Variants in KDM4B observed in about 807,000 individuals in gnomAD.
KDM4B encodes the protein lysine-specific demethylase 4B.
KDM4B carries 32 observed loss-of-function variants against 125.2 expected under a neutral mutation model. The observed-to-expected ratio is 0.26, with a 90% CI of 0.19 to 0.34. KDM4B has a LOEUF of 0.34. Ranked by LOEUF, KDM4B falls within the 10% of genes least tolerant of loss-of-function variation. KDM4B has a pLI of 1.00. For missense variants in KDM4B, 1,190 were observed against 1,577.7 expected (o/e 0.75, Z 4.16); for synonymous variants, 721 against 677.9 (o/e 1.06, Z -0.99).
intron 1 of KDM4B, among the ~76,000 whole-genome samples, chr19:4,999,040 G>C (rs577233525): frequency 3.5e-4 from 54 of 152,280 alleles, no homozygotes; most frequent in African/African-American, 1.3e-3. Context: ...CATCTCATGG[G>C]GAGGCCAGTG....
intron 5 of KDM4B, among the ~76,000 whole-genome samples, chr19:5,043,182 C>T (rs1250657761): frequency 6.6e-6 from 1 of 150,626 alleles, no homozygotes; most frequent in African/African-American, 2.4e-5. Flanking sequence ...TCCACCTTAT[C>T]CCGCGTGGTG....
intron 6 of KDM4B, among the ~76,000 whole-genome samples, chr19:5,062,775 GT>G (rs34134889): frequency 0.15 from 13,034 of 89,596 alleles, 747 homozygotes; most frequent in African/African-American, 0.29. Flanking sequence ...TAATTAAACT[GT>G]TTTTTTTTTT....
At chr19:5,046,373 C>T (rs80258649) in intron 5 of KDM4B, among the ~76,000 whole-genome samples, 3,365 of 152,352 alleles carry the variant, frequency 0.022, 104 homozygotes, top group South Asian at 0.067. Flanking sequence ...TCCCTCTGCC[C>T]CATCTGGGTC....
intron 11 of KDM4B, among the ~76,000 whole-genome samples, chr19:5,120,600 G>A (rs1164663011): frequency 6.6e-6 from 1 of 152,222 alleles, no homozygotes; most frequent in Non-Finnish European, 1.5e-5. Context: ...CCCAGGGGGA[G>A]GTTTTGGCTG....
At chr19:5,133,482 G>A (rs535093530) in intron 13 of KDM4B, among the ~76,000 whole-genome samples, 2 of 152,344 alleles carry the variant, frequency 1.3e-5, no homozygotes, top group African/African-American at 2.4e-5. Flanking sequence ...ACCCCAGGAC[G>A]GGTGTAGGGC....
chr19:5,142,651 C>T lies in KDM4B; in HGVS notation c.2551-1316C>T, dbSNP rs1178825909. ...ACAGTGTCCAGGTGGGGCCTCTCCCCCACCCCCAGGCTCCCCAGGGAGCAC... is the reference window on the plus strand; with the variant it reads ...ACAGTGTCCAGGTGGGGCCTCTCCCTCACCCCCAGGCTCCCCAGGGAGCAC... On this transcript the variant is annotated intron_variant, in intron 18 of 22. Transcript: ENST00000159111. This position sits in a 1 kb window ranked among gnomAD's most constrained non-coding sequence, Gnocchi z 5.4. 6.6e-6 allele frequency among the ~76,000 whole-genome samples: 1 copy of T among 152,066 alleles called. No individual in the cohort carries two copies. The highest frequency in any genetic ancestry group is 2.4e-5 in the African/African-American group (1 of 41,424).
Position 5,119,872 on chromosome 19 carries a change from G to C in KDM4B, c.1315+20G>C. The C allele has an allele frequency of 6.5e-7, 1 of 1,543,844 alleles. No homozygotes were observed. The highest frequency in any genetic ancestry group is 2.3e-4 in the Middle Eastern group (1 of 4,426). ...CAGAAGGTCAGTCCCTGCCGGGCCA[G>C]GCCTGGCACCGCTGTTTTCCCACCC... On this transcript the variant is annotated intron_variant, in intron 11 of 22. Coordinates refer to ENST00000159111, the MANE Select transcript of KDM4B (RefSeq NM_015015.3).
intron 16 of KDM4B, 102 bp from the exon 17 acceptor site, chr19:5,137,519 A>G: frequency 7.6e-7 from 1 of 1,314,500 alleles, no homozygotes; most frequent in Non-Finnish European, 1.1e-6. Flanking sequence ...AGGTTGAAAT[A>G]TAAGGGCCGT....
chr19:5,118,993 T>C (rs990526158), intron 10 of KDM4B: 7 of 631,418 alleles, frequency 1.1e-5, no homozygotes, highest in African/African-American at 1.1e-4. Flanking sequence ...GGGGCTCCCA[T>C]GCACCTCATG....
At chr19:5,018,150 C>T (rs530828570) in intron 2 of KDM4B, among the ~76,000 whole-genome samples, 1 of 152,190 alleles carries the variant, frequency 6.6e-6, no homozygotes, top group African/African-American at 2.4e-5. Context: ...GGGATCCTCC[C>T]GCCTCAGCCT....
At chr19:5,096,868 C>A (rs941356408) in intron 9 of KDM4B, among the ~76,000 whole-genome samples, 1 of 152,108 alleles carries the variant, frequency 6.6e-6, no homozygotes, top group Non-Finnish European at 1.5e-5. Flanking sequence ...GAGGAAGTGT[C>A]CCTCCGTTTC....
intron 6 of KDM4B, among the ~76,000 whole-genome samples, chr19:5,051,552 G>A (rs1197487603): frequency 6.6e-6 from 1 of 152,266 alleles, no homozygotes; most frequent in Non-Finnish European, 1.5e-5. Context: ...GAGCTGATGG[G>A]ACATGGTCAG....
intron 6 of KDM4B, chr19:5,070,493 A>G (rs1328766526): frequency 6.5e-6 from 1 of 153,012 alleles, no homozygotes; most frequent in Non-Finnish European, 1.5e-5. Context: ...GTCGGTGACA[A>G]ATGCAGCTTT....
intron 11 of KDM4B, among the ~76,000 whole-genome samples, chr19:5,123,328 C>G (rs2039395500): frequency 6.6e-6 from 1 of 152,236 alleles, no homozygotes; most frequent in African/African-American, 2.4e-5. Context: ...CCGGGCTGGC[C>G]CATTCCGAGG....
chr19:5,112,071 A>C, intron 10 of KDM4B: 1 of 474,576 alleles, frequency 2.1e-6, no homozygotes, highest in Non-Finnish European at 3.8e-6. Context: ...TGGGCAACAT[A>C]TTGAGATGCC....
intron 21 of KDM4B, among the ~76,000 whole-genome samples, chr19:5,149,134 C>A (rs990648980): frequency 6.6e-6 from 1 of 152,256 alleles, no homozygotes; most frequent in East Asian, 1.9e-4. Flanking sequence ...CAGGGACCGG[C>A]AGGCTTGGCT....
Position 5,115,222 on chromosome 19 carries a change from A to G in KDM4B, c.1115+4404A>G, listed in dbSNP as rs886409676. On this transcript the variant is annotated intron_variant, in intron 10 of 22. Transcript: ENST00000159111. The surrounding 1 kb of genome is among the most constrained non-coding windows in gnomAD (Gnocchi z 4.2). ...TCCTGGAGGGCTGCAGGGGGAATGT[A>G]CCACGGGGCCTCAGAAAGACACAGC... 6.6e-6 allele frequency among the ~76,000 whole-genome samples: 1 copy of G among 152,024 alleles called. No homozygotes were observed. The highest frequency in any genetic ancestry group is 2.4e-5 in the African/African-American group (1 of 41,366).
chr19:5,143,527 T>G (rs528856095), intron 18 of KDM4B, among the ~76,000 whole-genome samples: 4 of 152,122 alleles, frequency 2.6e-5, no homozygotes, highest in African/African-American at 9.6e-5. Context: ...TGGCCTGCCC[T>G]GGGGGTTGCA....
intron 5 of KDM4B, among the ~76,000 whole-genome samples, chr19:5,045,987 A>G (rs921423222): frequency 6.6e-6 from 1 of 152,182 alleles, no homozygotes; most frequent in African/African-American, 2.4e-5. Context: ...TTTGGTTATC[A>G]GTTGTGACTT....
Sources: allele counts gnomAD v4.1 joint callset (sites outside exome capture counted in the v4.1 genomes callset), GRCh38; gene constraint gnomAD v4.1.1; non-coding constraint Gnocchi (gnomAD v3.1); transcripts MANE v1.5; gene names NCBI Gene and HGNC (gene_info 2026-07-23, HGNC 2026-07-21).